The following STK16 variants were observed in gnomAD, a reference collection of about 807,000 sequenced individuals.
STK16 encodes serine/threonine-protein kinase 16.
Under a neutral mutation model 37.8 loss-of-function variants are expected in STK16, and 28 were observed. The observed-to-expected ratio is 0.74, with a 90% confidence interval of 0.55 to 1.02. The LOEUF is 1.02. Ranked by LOEUF, STK16 falls within the 50% of genes least tolerant of loss-of-function variation. The probability of loss-of-function intolerance (pLI) is 0.00; values close to 1 mark genes in which losing one functional copy is unlikely to be tolerated. For missense variants in STK16, 349 were observed against 390.6 expected, an observed-to-expected ratio of 0.89 and a Z score of 0.90; for synonymous variants, 134 against 155.0, an observed-to-expected ratio of 0.86 and a Z score of 1.01.
chr2:219,250,241 G>A lies in STK16; in HGVS notation c.*1682G>A, dbSNP rs997097262. On this transcript the variant is annotated 3_prime_UTR_variant, in exon 8 of 8. Transcript: ENST00000396738. The surrounding 1 kb of genome is among the most constrained non-coding windows in gnomAD (Gnocchi z 8.4). ...AACAGAGCAGCAGCAGCATGAAGGGGAAGGCAGCAGAAGCTCAAGCACTCA... is the reference window on the plus strand; with the variant it reads ...AACAGAGCAGCAGCAGCATGAAGGGAAAGGCAGCAGAAGCTCAAGCACTCA... The A allele has an allele frequency of 5.6e-6, 8 of 1,435,678 alleles. No homozygotes were observed. The highest frequency in any genetic ancestry group is 5.4e-5 in the South Asian group (4 of 74,092). The allele number at this position is 1,435,678 out of a possible 1,614,324, so 88.9% of individuals were successfully genotyped here. A position where few individuals can be genotyped will look rare whatever the true frequency, so the allele number is the denominator to read the frequency against.
Position 219,249,453 on chromosome 2 carries a change from G to C in STK16, c.*894G>C, listed in dbSNP as rs2125067999. The C allele has an allele frequency of 6.6e-6, 1 of 152,358 alleles. No individual in the cohort carries two copies. The highest frequency in any genetic ancestry group is 6.5e-5 in the Admixed American group (1 of 15,306). 9.4% of individuals were successfully genotyped at this position (152,358 alleles called of 1,614,324 possible). On this transcript the variant is annotated 3_prime_UTR_variant, in exon 8 of 8. Transcript: ENST00000396738. ...CTGAGTAAACAGGGGCCCTGTCTTA[G>C]CTGGGCTTCAAACCTGTTCCCTAGG... is the stretch of plus-strand genomic sequence containing the variant.
rs1951554900 is a variant in STK16, at chr2:219,247,206, A to C, written c.400A>C (p.Arg134=). The change falls in exon 4 of 8, where the codon AGA becomes CGA. Residue 134 remains arginine (R), a synonymous_variant. Coordinates refer to ENST00000396738, the MANE Select transcript of STK16 (RefSeq NM_001330213.2). ...QILWLLLGIC[R]GLEAIHAKGY... ...CCTTTGGCTGCTGCTGGGGATCTGC[A>C]GAGGCCTTGAGGCCATTCATGCCAA... 5 of 1,614,244 alleles carry C rather than the reference A, an allele frequency of 3.1e-6. No homozygotes were observed. The highest frequency in any genetic ancestry group is 4.2e-6 in the Non-Finnish European group (5 of 1,180,036).
chr2:219,250,270 G>C lies in STK16; in HGVS notation c.*1711G>C. 1.3e-6 allele frequency: 2 copies of C among 1,532,046 alleles called. No individual in the cohort carries two copies. Among genetic ancestry groups the C allele is most frequent in the Non-Finnish European group, 1.8e-6 (2 of 1,138,426 alleles). 94.9% of individuals were successfully genotyped at this position (1,532,046 alleles called of 1,614,324 possible). On this transcript the variant is annotated 3_prime_UTR_variant, in exon 8 of 8. Transcript: ENST00000396738. This position sits in a 1 kb window ranked among gnomAD's most constrained non-coding sequence, Gnocchi z 8.4. ...GCAGCAGAAGCTCAAGCACTCAGAG[G>C]GAACAAGAAACCGTGCAAGGAAACT...
At position 219,248,186 on chromosome 2, in the gene STK16, T is replaced by C. The variant is rs559456358; in HGVS notation, c.658-7T>C. The C allele has an allele frequency of 1.2e-6, 2 of 1,614,078 alleles. No homozygotes were observed. Among genetic ancestry groups the C allele is most frequent in the East Asian group, 2.2e-5 (1 of 44,890 alleles). On this transcript the variant is annotated splice_region_variant and splice_polypyrimidine_tract_variant and intron_variant, in intron 6 of 7. Coordinates refer to ENST00000396738, the MANE Select transcript of STK16 (RefSeq NM_001330213.2). Reference sequence around the variant, plus strand: ...CCCCTTCTAGGGACTAATCAAGTTATGCTCAGTCCCTAGGCTGCGTGCTAT... The same window carrying C: ...CCCCTTCTAGGGACTAATCAAGTTACGCTCAGTCCCTAGGCTGCGTGCTAT...
Position 219,250,312 on chromosome 2 carries a change from T to G in STK16, c.*1753T>G. 1.9e-6 allele frequency: 3 copies of G among 1,561,076 alleles called. No homozygotes were observed. Among genetic ancestry groups the G allele is most frequent in the Non-Finnish European group, 2.6e-6 (3 of 1,152,458 alleles). On this transcript the variant is annotated 3_prime_UTR_variant, in exon 8 of 8. Transcript: ENST00000396738. This position sits in a 1 kb window ranked among gnomAD's most constrained non-coding sequence, Gnocchi z 8.4. ...AAGGAAACTGTTTATTTCGAAAGGA[T>G]TTTGCAATAAACATAGTGAATAGGC...
At position 219,250,085 on chromosome 2, in the gene STK16, A is replaced by T. The variant is rs908608350; in HGVS notation, c.*1526A>T. The T allele has an allele frequency of 3.5e-5, 15 of 434,490 alleles. No homozygotes were observed. The highest frequency in any genetic ancestry group is 5.3e-5 in the Non-Finnish European group (13 of 243,702). 26.9% of individuals were successfully genotyped at this position (434,490 alleles called of 1,614,324 possible). Reference sequence around the variant, plus strand: ...AGTTTGTGCCTGGATTTTGGTCCTCATTTCCTCCCTATACTGAGTAACCCT... The same window carrying T: ...AGTTTGTGCCTGGATTTTGGTCCTCTTTTCCTCCCTATACTGAGTAACCCT... On this transcript the variant is annotated 3_prime_UTR_variant, in exon 8 of 8. Transcript: ENST00000396738. The surrounding 1 kb of genome is among the most constrained non-coding windows in gnomAD (Gnocchi z 8.4).
Position 219,245,933 on chromosome 2 carries a change from G to C in STK16, c.-67G>C, listed in dbSNP as rs1037681084. 34 of 1,331,896 alleles carry C rather than the reference G, an allele frequency of 2.6e-5. No homozygotes were observed. In the Admixed American group the frequency reaches 6.1e-4, roughly 24 times the overall value. The allele number at this position is 1,331,896 out of a possible 1,614,324, so 82.5% of individuals were successfully genotyped here. A position where few individuals can be genotyped will look rare whatever the true frequency, so the allele number is the denominator to read the frequency against. The stretch of plus-strand genomic sequence containing the variant: ...GGCCCCCAGCGCATCTCCTGGAAGA[G>C]CCCACTCACCCTGGACGAGCTCTTC... On this transcript the variant is annotated 5_prime_UTR_variant, in exon 2 of 8. Coordinates refer to ENST00000396738, the MANE Select transcript of STK16 (RefSeq NM_001330213.2).
Position 219,246,914 on chromosome 2 carries a change from G to A in STK16, c.306+38G>A. ...CCTGGTTATGGAGGGGGTTGCAGCA[G>A]AGCCACCTACTCAAGGGCTGTGTGA... is the stretch of plus-strand genomic sequence containing the variant. On this transcript the variant is annotated intron_variant, in intron 3 of 7. Transcript: ENST00000396738. This position sits in a 1 kb window ranked among gnomAD's most constrained non-coding sequence, Gnocchi z 4.5. 1.3e-6 allele frequency: 2 copies of A among 1,575,784 alleles called. No homozygotes were observed. The highest frequency in any genetic ancestry group is 8.7e-7 in the Non-Finnish European group (1 of 1,155,682).
rs1372139554 is a variant in STK16, at chr2:219,248,646, ACTTCT to A, written c.*91_*95del. 2.0e-6 allele frequency: 3 copies of A among 1,501,490 alleles called. No homozygotes were observed. The Admixed American group carries it at 6.3e-5, about 32-fold the overall frequency. The allele number at this position is 1,501,490 out of a possible 1,614,324, so 93.0% of individuals were successfully genotyped here. A position where few individuals can be genotyped will look rare whatever the true frequency, so the allele number is the denominator to read the frequency against. ...GGAATCACCACCCATTCCATCCAGG[ACTTCT>A]CTTACACTTGGGGGTAGCGGGGTCA... On this transcript the variant is annotated 3_prime_UTR_variant, in exon 8 of 8. Transcript: ENST00000396738.
In STK16 at chr2:219,250,205, C is replaced by G. The variant is rs1387154025; in HGVS notation, c.*1646C>G. On this transcript the variant is annotated 3_prime_UTR_variant, in exon 8 of 8. Transcript: ENST00000396738. The surrounding 1 kb of genome is among the most constrained non-coding windows in gnomAD (Gnocchi z 8.4). ...CTTCAGCGATGGAAGGGATAAGGGT[C>G]ATGAACAGCAAACAGAGCAGCAGCA... 2.5e-6 allele frequency: 3 copies of G among 1,200,684 alleles called. No individual in the cohort carries two copies. In the East Asian group the frequency reaches 7.0e-5, roughly 28 times the overall value. 74.4% of individuals were successfully genotyped at this position (1,200,684 alleles called of 1,614,324 possible).
chr2:219,248,311 C>T lies in STK16; in HGVS notation c.776C>T (p.Pro259Leu), dbSNP rs1441446573. The T allele has an allele frequency of 2.5e-6, 4 of 1,613,922 alleles. No individual in the cohort carries two copies. The highest frequency in any genetic ancestry group is 2.2e-5 in the East Asian group (1 of 44,888). The change falls in exon 7 of 8, where the codon CCC becomes CTC. Residue 259 changes from proline to leucine, a missense_variant. Transcript: ENST00000396738. ...VQNQLSIPQS[P>L]RHSSALRQLL... ...AACCAACTCAGCATCCCACAAAGCC[C>T]CAGGTGAGTGAGCAACGAATAGGGC...
In STK16 at chr2:219,246,991, AGATTTT is replaced by A. The variant is rs1273724049; in HGVS notation, c.306+118_307-114del. 1.3e-6 allele frequency: 2 copies of A among 1,536,016 alleles called. No individual in the cohort carries two copies. The highest frequency in any genetic ancestry group is 1.8e-6 in the Non-Finnish European group (2 of 1,134,032). On this transcript the variant is annotated intron_variant, in intron 3 of 7. Coordinates refer to ENST00000396738, the MANE Select transcript of STK16 (RefSeq NM_001330213.2). This position sits in a 1 kb window ranked among gnomAD's most constrained non-coding sequence, Gnocchi z 4.5. ...ACCATGTCCTGGGTTTGGCCACTTT[AGATTTT>A]GAGTTTGAGGTGTGTATCATGAAAG...
rs1951520108 is a variant in STK16 at position 219,245,985 on chromosome 2, G to GA, written c.-14dup. Reference sequence around the variant, plus strand: ...GTAGCCTCAGACCGTCCTTGAAGAGGATGACTGAGACATTATGGGCCACGC... The same window carrying GA: ...GTAGCCTCAGACCGTCCTTGAAGAGGAATGACTGAGACATTATGGGCCACGC... On this transcript the variant is annotated 5_prime_UTR_variant, in exon 2 of 8. In the 5' UTR this introduces an upstream ATG that the reference lacks. Coordinates refer to ENST00000396738, the MANE Select transcript of STK16 (RefSeq NM_001330213.2). 3 of 1,611,674 alleles carry GA rather than the reference G, an allele frequency of 1.9e-6. No homozygotes were observed. In the Admixed American group the frequency reaches 5.0e-5, roughly 27 times the overall value.
rs751560096 is a variant in STK16 at position 219,246,898 on chromosome 2, G to C, written c.306+22G>C. On this transcript the variant is annotated intron_variant, in intron 3 of 7. Coordinates refer to ENST00000396738, the MANE Select transcript of STK16 (RefSeq NM_001330213.2). The surrounding 1 kb of genome is among the most constrained non-coding windows in gnomAD (Gnocchi z 4.5). ...CAAGGTCAGAAAGACTCCTGGTTAT[G>C]GAGGGGGTTGCAGCAGAGCCACCTA... The C allele has an allele frequency of 1.9e-5, 30 of 1,592,714 alleles. No homozygotes were observed. In the African/African-American group the frequency reaches 3.9e-4, roughly 21 times the overall value.
chr2:219,247,787 AGG>A lies in STK16; in HGVS notation c.657+32_657+33del, dbSNP rs768827256. 1.9e-6 allele frequency: 3 copies of A among 1,550,492 alleles called. No individual in the cohort carries two copies. In the South Asian group the frequency reaches 3.5e-5, roughly 18 times the overall value. On this transcript the variant is annotated intron_variant, in intron 6 of 7. Coordinates refer to ENST00000396738, the MANE Select transcript of STK16 (RefSeq NM_001330213.2). ...GGAGCATGTGGGTGGGTATCTGGGT[AGG>A]GAGGGCTGTGGCTCTGTACCCACCG...
In STK16 at chr2:219,245,720, G is replaced by T. The variant is rs956461622; in HGVS notation, c.-181G>T. 1 of 266,096 alleles carries T rather than the reference G, an allele frequency of 3.8e-6. No homozygotes were observed. The highest frequency in any genetic ancestry group is 2.2e-5 in the African/African-American group (1 of 44,700). 16.5% of individuals were successfully genotyped at this position (266,096 alleles called of 1,614,324 possible). A position where few individuals can be genotyped will look rare whatever the true frequency, so the allele number is the denominator to read the frequency against. ...GGAAGTGGCCCGGTAGCCGCTGTGT[G>T]TCCTGAGGCCGTAAGGCGCCTGACC... On this transcript the variant is annotated 5_prime_UTR_variant, in exon 1 of 8. Coordinates refer to ENST00000396738, the MANE Select transcript of STK16 (RefSeq NM_001330213.2).
Position 219,248,184 on chromosome 2 carries a change from T to C in STK16, c.658-9T>C, listed in dbSNP as rs200554042. On this transcript the variant is annotated splice_polypyrimidine_tract_variant and intron_variant, in intron 6 of 7. Coordinates refer to ENST00000396738, the MANE Select transcript of STK16 (RefSeq NM_001330213.2). ...GTCCCCTTCTAGGGACTAATCAAGTTATGCTCAGTCCCTAGGCTGCGTGCT... is the reference window on the plus strand; with the variant it reads ...GTCCCCTTCTAGGGACTAATCAAGTCATGCTCAGTCCCTAGGCTGCGTGCT... 1.9e-6 allele frequency: 3 copies of C among 1,613,988 alleles called. No individual in the cohort carries two copies. The African/African-American group carries it at 4.0e-5, about 22-fold the overall frequency.
Position 219,246,052 on chromosome 2 carries a change from A to C in STK16, c.53A>C (p.Lys18Thr). The change falls in exon 2 of 8, where the codon AAG becomes ACG. Residue 18 changes from lysine (K) to threonine (T), a missense_variant. Coordinates refer to ENST00000396738, the MANE Select transcript of STK16 (RefSeq NM_001330213.2). The surrounding 1 kb of genome is among the most constrained non-coding windows in gnomAD (Gnocchi z 4.5). ...CSRGTVIIDN[K>T]RYLFIQKLGE... ...CGGGGAACTGTCATCATTGACAATA[A>C]GCGCTACCTCTTCATCCAGAAACTG... 6.2e-7 allele frequency: 1 copy of C among 1,614,092 alleles called. No individual in the cohort carries two copies. Among genetic ancestry groups the C allele is most frequent in the Non-Finnish European group, 8.5e-7 (1 of 1,179,988 alleles).
At position 219,248,437 on chromosome 2, in the gene STK16, C is replaced by T. The variant is rs17849638; in HGVS notation, c.796C>T (p.Arg266Trp). 0.019 allele frequency: 31,285 copies of T among 1,613,856 alleles called. 375 individuals are homozygous for T. Among genetic ancestry groups the T allele is most frequent in the Middle Eastern group, 0.025 (152 of 6,062 alleles). The change falls in exon 8 of 8, where the codon CGG (arginine) becomes TGG (tryptophan). Residue 266 changes from arginine to tryptophan, a missense_variant. Transcript: ENST00000396738. ...CCTCCACAGGCATTCTTCAGCATTG[C>T]GGCAGCTCCTGAACTCGATGATGAC... is the stretch of plus-strand genomic sequence containing the variant. ...PQSPRHSSAL[R>W]QLLNSMMTVD... is the part of the protein sequence containing the mutation.
Sources: gnomAD v4.1 joint callset for allele counts on GRCh38, gnomAD v4.1.1 for gene constraint, Gnocchi (gnomAD v3.1) non-coding constraint, MANE v1.5 for transcripts, NCBI Gene and HGNC (gene_info 2026-07-23, HGNC 2026-07-21) for gene names.